The following AP3B2 variants were observed in gnomAD, a reference collection of about 807,000 sequenced individuals.
The protein encoded by AP3B2 is adaptor related protein complex 3 subunit beta 2, also known as AP-3 complex subunit beta-2.
AP3B2 carries 50 observed loss-of-function variants against 126.9 expected under a neutral mutation model. That is an observed-to-expected ratio of 0.39 (90% confidence interval 0.31 to 0.50). The LOEUF (loss-of-function observed/expected upper bound fraction) is 0.50, where lower values mean the gene tolerates loss of function less well. Ranked by LOEUF, AP3B2 falls within the 20% of genes least tolerant of loss-of-function variation. The pLI is 0.79. For synonymous variants in AP3B2, 541 were observed against 565.0 expected (o/e 0.96, Z 0.60); for missense variants, 1,177 against 1,426.4 (o/e 0.83, Z 2.82).
At position 82,661,921 on chromosome 15, in the gene AP3B2, T is replaced by C. The variant is rs758551158; in HGVS notation, c.2920A>G (p.Thr974Ala). The C allele has an allele frequency of 5.6e-6, 9 of 1,613,406 alleles. No individual in the cohort carries two copies. The highest frequency in any genetic ancestry group is 7.6e-6 in the Non-Finnish European group (9 of 1,179,656). The change falls in exon 25 of 27, where the codon ACC becomes GCC. Residue 974 changes from threonine (T) to alanine (A), a missense_variant and splice_region_variant. Physicochemically the swap from Thr to Ala is moderately conservative, Grantham distance 58. Coordinates refer to ENST00000535359, the MANE Select transcript of AP3B2 (RefSeq NM_001278512.2). ...GAGACGTAGAACTGTCGGGTCTGGG[T>C]GCTGGGAGGGGTGGGAGGAAACGGA... ...STQAANFQLCTQTRQFYVSIQ... is the reference protein window; with the variant it reads ...STQAANFQLCAQTRQFYVSIQ...
Position 82,680,279 on chromosome 15 carries a change from G to A in AP3B2, c.1056-50C>T. 1.2e-6 allele frequency: 2 copies of A among 1,611,890 alleles called. No individual in the cohort carries two copies. Among genetic ancestry groups the A allele is most frequent in the African/African-American group, 1.3e-5 (1 of 74,990 alleles). ...CCCCGGGCCCCTCGGTTGGGGCAAG[G>A]GTCAGCGGATGAGGGGAAAAGGTGG... On this transcript the variant is annotated intron_variant, in intron 8 of 26. Transcript: ENST00000535359. This position sits in a 1 kb window ranked among gnomAD's most constrained non-coding sequence, Gnocchi z 6.1.
In AP3B2 at chr15:82,676,490, C is replaced by G. The variant is rs775126490; in HGVS notation, c.1636G>C (p.Ala546Pro). Residue 546 changes from alanine (A) to proline (P), a missense_variant, in exon 14 of 27, where the codon GCC becomes CCC. This residue lies in a region of AP3B2 where 308 missense variants were observed against 452.4 expected (regional missense o/e 0.68). Coordinates refer to ENST00000535359, the MANE Select transcript of AP3B2 (RefSeq NM_001278512.2). Reference sequence around the variant, plus strand: ...TTAGAGTTGGTCAGGTAGAGCTTGGCTGCCAGGTTGATGACCTGCAGCTTG... The same window carrying G: ...TTAGAGTTGGTCAGGTAGAGCTTGGGTGCCAGGTTGATGACCTGCAGCTTG... ...IVKLQVINLA[A>P]KLYLTNSKQT... 4.3e-6 allele frequency: 7 copies of G among 1,614,000 alleles called. No homozygotes were observed. In the Admixed American group the frequency reaches 1.2e-4, roughly 27 times the overall value.
chr15:82,708,018 G>T (rs1292572560), intron 1 of AP3B2, among the ~76,000 whole-genome samples: 1 of 152,132 alleles, frequency 6.6e-6, no homozygotes, highest in Non-Finnish European at 1.5e-5. Context: ...AATAAAAGAA[G>T]ACAGGAATGT....
At chr15:82,663,335 C>G in intron 21 of AP3B2, 102 bp from the exon 22 acceptor site, 1 of 1,063,440 alleles carries the variant, frequency 9.4e-7, no homozygotes, top group South Asian at 1.3e-5. Context: ...CCATGGACAG[C>G]GGGGCACATG....
chr15:82,704,275 C>T (rs182196172), intron 1 of AP3B2, among the ~76,000 whole-genome samples: 36 of 152,298 alleles, frequency 2.4e-4, no homozygotes, highest in African/African-American at 8.4e-4. Flanking sequence ...AATCCACTCC[C>T]AACATTAAAT....
At chr15:82,705,433 A>G (rs1016541969) in intron 1 of AP3B2, among the ~76,000 whole-genome samples, 1 of 151,718 alleles carries the variant, frequency 6.6e-6, no homozygotes, top group African/African-American at 2.4e-5. Context: ...GTGGTGCCAA[A>G]CTCATATACT....
At chr15:82,679,479 T>C (rs891688825) in intron 10 of AP3B2, among the ~76,000 whole-genome samples, 1 of 152,166 alleles carries the variant, frequency 6.6e-6, no homozygotes, top group Non-Finnish European at 1.5e-5. Context: ...TATTATGAGG[T>C]GATATCAGGT....
chr15:82,701,217 G>A (rs866981922), intron 1 of AP3B2, among the ~76,000 whole-genome samples: 7 of 151,920 alleles, frequency 4.6e-5, no homozygotes, highest in African/African-American at 1.7e-4. Flanking sequence ...GGCAGAGTTG[G>A]TCCTCCCTGC....
chr15:82,696,309 G>A (rs2048627688), intron 1 of AP3B2, among the ~76,000 whole-genome samples: 1 of 152,074 alleles, frequency 6.6e-6, no homozygotes, highest in African/African-American at 2.4e-5. Flanking sequence ...CAGGTGTGGT[G>A]GCTCACGCTT....
rs1386244740 is a variant in AP3B2, at chr15:82,709,635, G to T, written c.72C>A (p.His24Gln). Reference protein sequence around the residue: ...SAGPGEPEYGHDPASGGIFSS... With the variant: ...SAGPGEPEYGQDPASGGIFSS... ...AGAAGATGCCGCCGCTCGCGGGGTC[G>T]TGGCCGTACTCGGGCTCCCCGGGGC... The change falls in exon 1 of 27, where the codon CAC (histidine) becomes CAA (glutamine). Residue 24 changes from histidine (H) to glutamine (Q), a missense_variant. This residue lies in a region of AP3B2 where 49 missense variants were observed against 39.3 expected (regional missense o/e 1.25). Transcript: ENST00000535359. 6.6e-7 allele frequency: 1 copy of T among 1,520,000 alleles called. No homozygotes were observed. Among genetic ancestry groups the T allele is most frequent in the East Asian group, 2.7e-5 (1 of 37,304 alleles). The allele number at this position is 1,520,000 out of a possible 1,614,324, so 94.2% of individuals were successfully genotyped here.
At chr15:82,684,493 G>A (rs1046134255) in intron 4 of AP3B2, among the ~76,000 whole-genome samples, 2 of 152,214 alleles carry the variant, frequency 1.3e-5, no homozygotes, top group African/African-American at 4.8e-5. Flanking sequence ...TTAAGGGAAT[G>A]TGGTAGCTGG....
chr15:82,665,510 C>G lies in AP3B2; in HGVS notation c.1918G>C (p.Glu640Gln), dbSNP rs1227572060. The G allele has an allele frequency of 6.2e-7, 1 of 1,613,912 alleles. No individual in the cohort carries two copies. Among genetic ancestry groups the G allele is most frequent in the Non-Finnish European group, 8.5e-7 (1 of 1,179,888 alleles). ...GCTTCCTCCGGCCAGTCTGGGAGCT[C>G]CTGGTAGCCTGTGGCCTTGGCATTA... ...LLNAKATGYQ[E>Q]LPDWPEEAPD... Residue 640 changes from glutamate (E) to glutamine (Q), a missense_variant, in exon 16 of 27, where the codon GAG becomes CAG. Transcript: ENST00000535359. The surrounding 1 kb of genome is among the most constrained non-coding windows in gnomAD (Gnocchi z 4.4).
chr15:82,693,178 A>G (rs1344680313), intron 1 of AP3B2, among the ~76,000 whole-genome samples: 1 of 147,090 alleles, frequency 6.8e-6, no homozygotes, highest in African/African-American at 2.6e-5. Flanking sequence ...ACCAATAAGA[A>G]TCTCCCCCCG....
At chr15:82,682,047 CTTTTT>C (rs769028602) in intron 4 of AP3B2, among the ~76,000 whole-genome samples, 11 of 79,944 alleles carry the variant, frequency 1.4e-4, no homozygotes, top group South Asian at 4.7e-4. Flanking sequence ...TAGGCCCTTC[CTTTTT>C]TTTTTTTTTT....
Position 82,709,631 on chromosome 15 carries a change from G to T in AP3B2, c.76C>A (p.Pro26Thr). 6.6e-7 allele frequency: 1 copy of T among 1,517,524 alleles called. No individual in the cohort carries two copies. Among genetic ancestry groups the T allele is most frequent in the Non-Finnish European group, 8.8e-7 (1 of 1,135,304 alleles). 94.0% of individuals were successfully genotyped at this position (1,517,524 alleles called of 1,614,324 possible). Residue 26 changes from proline to threonine, a missense_variant, in exon 1 of 27, where the codon CCC becomes ACC. Transcript: ENST00000535359. ...GAGGAGAAGATGCCGCCGCTCGCGG[G>T]GTCGTGGCCGTACTCGGGCTCCCCG... ...GPGEPEYGHDPASGGIFSSDY... is the reference protein window; with the variant it reads ...GPGEPEYGHDTASGGIFSSDY...
chr15:82,679,367 G>C (rs1165756902), intron 10 of AP3B2, among the ~76,000 whole-genome samples: 1 of 152,166 alleles, frequency 6.6e-6, no homozygotes, highest in Non-Finnish European at 1.5e-5. Flanking sequence ...CAGGCGATCT[G>C]CCTGTCTCGG....
Position 82,665,375 on chromosome 15 carries a change from CAACACACACACACACACA to C in AP3B2, c.1971+64_1972-73del. ...AGGGCTCCCTACTGTCTGCCCCCAC[CAACACACACACACACACA>C]CACACACACACACACACACACACAC... is the stretch of plus-strand genomic sequence containing the variant. On this transcript the variant is annotated intron_variant, in intron 16 of 26. Coordinates refer to ENST00000535359, the MANE Select transcript of AP3B2 (RefSeq NM_001278512.2). This position sits in a 1 kb window ranked among gnomAD's most constrained non-coding sequence, Gnocchi z 4.4. 1 of 1,269,220 alleles carries C rather than the reference CAACACACACACACACACA, an allele frequency of 7.9e-7. No individual in the cohort carries two copies. Among genetic ancestry groups the C allele is most frequent in the Non-Finnish European group, 1.1e-6 (1 of 915,194 alleles). 78.6% of individuals were successfully genotyped at this position (1,269,220 alleles called of 1,614,324 possible). A position where few individuals can be genotyped will look rare whatever the true frequency, so the allele number is the denominator to read the frequency against.
intron 1 of AP3B2, among the ~76,000 whole-genome samples, chr15:82,708,080 T>C (rs548427920): frequency 1.3e-5 from 2 of 152,336 alleles, no homozygotes; most frequent in Non-Finnish European, 2.9e-5. Context: ...CCTGCACGTA[T>C]ACATCCAGAT....
chr15:82,666,988 C>T, intron 14 of AP3B2, 55 bp from the exon 15 acceptor site: 1 of 1,539,430 alleles, frequency 6.5e-7, no homozygotes, highest in Non-Finnish European at 8.9e-7. Context: ...ACACAGGAGG[C>T]TCAGAAACAG....
Sources: gnomAD v4.1 joint callset for allele counts (sites outside exome capture counted in the v4.1 genomes callset) on GRCh38, gnomAD v4.1.1 for gene constraint, gnomAD v4.1.1 regional missense constraint, Gnocchi (gnomAD v3.1) non-coding constraint, MANE v1.5 for transcripts, NCBI Gene and HGNC (gene_info 2026-07-23, HGNC 2026-07-21) for gene names.